MAMDC2: variants seen among roughly 807,000 people sequenced by gnomAD.
The protein encoded by MAMDC2 is MAM domain containing 2.
MAMDC2 carries 57 observed loss-of-function variants against 89.8 expected under a neutral mutation model. The observed-to-expected ratio is 0.63, with a 90% CI of 0.51 to 0.79. The LOEUF is 0.79. Ranked by LOEUF, MAMDC2 falls within the 30% of genes least tolerant of loss-of-function variation. MAMDC2 has a pLI of 0.00. For synonymous variants in MAMDC2, 313 were observed against 293.4 expected, an observed-to-expected ratio of 1.07 and a Z score of -0.68; for missense variants, 800 against 820.6, an observed-to-expected ratio of 0.97 and a Z score of 0.31.
intron 2 of MAMDC2, among the ~76,000 whole-genome samples, chr9:70,049,162 T>A (rs866306231): frequency 1.3e-5 from 2 of 151,568 alleles, no homozygotes; most frequent in Middle Eastern, 6.8e-3. Flanking sequence ...CAGGAGTGAG[T>A]GATAGCATCT....
At chr9:70,068,086 C>T (rs867867120) in intron 2 of MAMDC2, among the ~76,000 whole-genome samples, 39 of 152,176 alleles carry the variant, frequency 2.6e-4, no homozygotes, top group African/African-American at 8.7e-4. Context: ...ATGCTACCAT[C>T]GTGAGCTGGT....
At chr9:70,045,829 TGA>T (rs1468479130) in intron 2 of MAMDC2, among the ~76,000 whole-genome samples, 1 of 152,234 alleles carries the variant, frequency 6.6e-6, no homozygotes, top group Non-Finnish European at 1.5e-5. Context: ...TGGCTAACTC[TGA>T]GTGTCTAGTT....
At chr9:70,210,436 C>G (rs919161914) in intron 11 of MAMDC2, among the ~76,000 whole-genome samples, 2 of 152,150 alleles carry the variant, frequency 1.3e-5, no homozygotes, top group Admixed American at 6.5e-5. Context: ...TCTGTTTTAT[C>G]GAAGACTAGG....
chr9:70,204,067 T>A (rs2033164845), intron 11 of MAMDC2, among the ~76,000 whole-genome samples: 1 of 151,918 alleles, frequency 6.6e-6, no homozygotes, highest in Admixed American at 6.6e-5. Context: ...GTCAAAGTCA[T>A]TCTCCATCCA....
Position 70,043,904 on chromosome 9 carries a change from T to C in MAMDC2, c.-294T>C. ...CCTTTCAAAGTGTGCAGTTGTCTCCTCCCTGTCCAGCCCCATCGTCGCCCA... is the reference window on the plus strand; with the variant it reads ...CCTTTCAAAGTGTGCAGTTGTCTCCCCCCTGTCCAGCCCCATCGTCGCCCA... On this transcript the variant is annotated 5_prime_UTR_variant, in exon 1 of 14. Coordinates refer to ENST00000377182, the MANE Select transcript of MAMDC2 (RefSeq NM_153267.5). The C allele has an allele frequency of 5.5e-6, 3 of 549,978 alleles. No homozygotes were observed. Among genetic ancestry groups the C allele is most frequent in the Non-Finnish European group, 9.8e-6 (3 of 307,606 alleles). 34.1% of individuals were successfully genotyped at this position (549,978 alleles called of 1,614,324 possible).
At chr9:70,222,930 G>A (rs953281755) in intron 12 of MAMDC2, among the ~76,000 whole-genome samples, 3 of 152,080 alleles carry the variant, frequency 2.0e-5, no homozygotes, top group Non-Finnish European at 2.9e-5. Flanking sequence ...CTTGAGCCCA[G>A]GAGTTTGAGA....
intron 11 of MAMDC2, among the ~76,000 whole-genome samples, chr9:70,182,736 T>G (rs1193532504): frequency 6.6e-6 from 1 of 152,228 alleles, no homozygotes; most frequent in Non-Finnish European, 1.5e-5. Flanking sequence ...TCTATTTGAT[T>G]CTTCTCTGTT....
chr9:70,062,593 T>A (rs138947968), intron 2 of MAMDC2: 1 of 152,282 alleles, frequency 6.6e-6, no homozygotes, highest in African/African-American at 2.4e-5. Context: ...GATGAGGGAA[T>A]CTGTAAGTGA....
chr9:70,150,755 C>T (rs115713308), intron 9 of MAMDC2, among the ~76,000 whole-genome samples: 143 of 152,292 alleles, frequency 9.4e-4, no homozygotes, highest in African/African-American at 3.4e-3. Flanking sequence ...AGCCACCACC[C>T]TAGTCTAAGC....
At chr9:70,170,456 C>A in intron 10 of MAMDC2, 23 bp from the exon 11 acceptor site, 1 of 1,588,872 alleles carries the variant, frequency 6.3e-7, no homozygotes, top group East Asian at 2.3e-5. Flanking sequence ...TCAGTGATTG[C>A]AACATCTGCT....
At chr9:70,065,042 G>A (rs1827234992) in intron 2 of MAMDC2, among the ~76,000 whole-genome samples, 1 of 152,148 alleles carries the variant, frequency 6.6e-6, no homozygotes, top group Non-Finnish European at 1.5e-5. Flanking sequence ...CTGTCTATAT[G>A]AAATATAATG....
intron 7 of MAMDC2, among the ~76,000 whole-genome samples, chr9:70,137,396 C>A (rs778503360): frequency 9.9e-5 from 15 of 152,088 alleles, no homozygotes; most frequent in Non-Finnish European, 2.1e-4. Flanking sequence ...AGGATAATTA[C>A]GGAGTTCAGG....
intron 12 of MAMDC2, 148 bp downstream of exon 12, chr9:70,218,744 C>G: frequency 3.5e-6 from 3 of 849,610 alleles, no homozygotes; most frequent in Non-Finnish European, 5.1e-6. Context: ...CATAATTAGT[C>G]TATACATTGA....
intron 11 of MAMDC2, among the ~76,000 whole-genome samples, chr9:70,212,230 A>T (rs2033368744): frequency 6.6e-6 from 1 of 152,200 alleles, no homozygotes; most frequent in African/African-American, 2.4e-5. Context: ...CCACAGGTGG[A>T]GTCTACAGAG....
rs201931881 is a variant in MAMDC2, at chr9:70,170,480, G to T, written c.1500G>T (p.Glu500Asp). Reference sequence around the variant, plus strand: ...GCAACATCTGCTATTTTCTTGCAGAGAAACTTCCACCTCCACCTGGAGAGT... The same window carrying T: ...GCAACATCTGCTATTTTCTTGCAGATAAACTTCCACCTCCACCTGGAGAGT... ...TIQLGSCSSS[E>D]KLPPPPGECT... The change falls in exon 11 of 14, where the codon GAG becomes GAT. Residue 500 changes from glutamate to aspartate, a missense_variant and splice_region_variant. By Grantham distance (45) the Glu-to-Asp change is conservative (BLOSUM62 2). Coordinates refer to ENST00000377182, the MANE Select transcript of MAMDC2 (RefSeq NM_153267.5). 3.1e-6 allele frequency: 5 copies of T among 1,602,344 alleles called. No individual in the cohort carries two copies. In the African/African-American group the frequency reaches 5.4e-5, roughly 17 times the overall value.
At chr9:70,052,275 G>A (rs574310193) in intron 2 of MAMDC2, among the ~76,000 whole-genome samples, 64 of 152,292 alleles carry the variant, frequency 4.2e-4, no homozygotes, top group African/African-American at 1.5e-3. Context: ...GCCTTGTTTG[G>A]CATTCAAGGC....
intron 12 of MAMDC2, among the ~76,000 whole-genome samples, chr9:70,221,370 T>TAGAGAGAGAGAGAGAGAG: frequency 1.4e-4 from 1 of 7,158 alleles, no homozygotes; most frequent in African/African-American, 3.8e-4. Flanking sequence ...TATATATATA[T>TAGAGAGAGAGAGAGAGAG]ATATATATAT....
At chr9:70,148,626 G>A (rs2031478376) in intron 9 of MAMDC2, among the ~76,000 whole-genome samples, 1 of 150,228 alleles carries the variant, frequency 6.7e-6, no homozygotes, top group Admixed American at 6.7e-5. Flanking sequence ...CAGGCATGGT[G>A]GCTCACAACT....
At chr9:70,081,844 A>G (rs1433152836) in intron 2 of MAMDC2, 1 of 143,594 alleles carries the variant, frequency 7.0e-6, no homozygotes, top group Non-Finnish European at 1.5e-5. Flanking sequence ...ATTTCATGAG[A>G]TCTTTTTTTT....
Sources: allele counts gnomAD v4.1 joint callset (sites outside exome capture counted in the v4.1 genomes callset), GRCh38; gene constraint gnomAD v4.1.1; transcripts MANE v1.5; gene names NCBI Gene and HGNC (gene_info 2026-07-23, HGNC 2026-07-21).